Variants in MBOAT4 observed in about 807,000 individuals in gnomAD.
MBOAT4 encodes the protein membrane bound ghrelin O-acyltransferase MBOAT4.
In MBOAT4, 11 loss-of-function variants were observed where a neutral mutation model predicts 13.2. The observed-to-expected ratio is 0.84, with a 90% CI of 0.53 to 1.38. MBOAT4 has a LOEUF of 1.38. MBOAT4 is among the 40% of genes most tolerant of loss of function. The probability of loss-of-function intolerance (pLI) is 0.00; values close to 1 mark genes in which losing one functional copy is unlikely to be tolerated. For synonymous variants in MBOAT4, 202 were observed against 210.3 expected (o/e 0.96, Z 0.34); for missense variants, 481 against 527.2 (o/e 0.91, Z 0.86).
intron 2 of MBOAT4, among the ~76,000 whole-genome samples, chr8:30,137,089 C>T (rs753976776): frequency 1.4e-4 from 22 of 152,196 alleles, no homozygotes; most frequent in South Asian, 2.1e-4. Context: ...AGATAGGTGA[C>T]CGCCTGGAGC....
chr8:30,142,830 T>A (rs12334730), intron 1 of MBOAT4, among the ~76,000 whole-genome samples: 1 of 152,118 alleles, frequency 6.6e-6, no homozygotes, highest in African/African-American at 2.4e-5. Context: ...TTGTGAACAC[T>A]TGATCATACC....
chr8:30,144,333 G>A (rs150392644), intron 1 of MBOAT4, 150 bp downstream of exon 1: 24 of 536,744 alleles, frequency 4.5e-5, no homozygotes, highest in African/African-American at 2.8e-4. Flanking sequence ...ACAGGGTTTC[G>A]CTATGTTGGC....
chr8:30,136,312 CACAG>C (rs1446247591), intron 2 of MBOAT4, among the ~76,000 whole-genome samples: 2 of 152,202 alleles, frequency 1.3e-5, no homozygotes, highest in Non-Finnish European at 2.9e-5. Context: ...CAGACACATG[CACAG>C]ACAGAGGAGT....
chr8:30,133,704 C>A (rs868247567), intron 2 of MBOAT4, among the ~76,000 whole-genome samples: 2 of 150,752 alleles, frequency 1.3e-5, no homozygotes, highest in African/African-American at 4.9e-5. Context: ...TGGGTGGAAC[C>A]CTTGAGCCCA....
intron 2 of MBOAT4, chr8:30,137,155 G>C (rs1472980080): frequency 5.0e-6 from 4 of 805,940 alleles, no homozygotes; most frequent in Non-Finnish European, 8.0e-6. Context: ...ACCAGAGAGA[G>C]CCAGGAACAT....
At chr8:30,138,840 G>C in intron 1 of MBOAT4, 84 bp from the exon 2 acceptor site, 1 of 1,040,288 alleles carries the variant, frequency 9.6e-7, no homozygotes, top group Non-Finnish European at 1.4e-6. Flanking sequence ...CAGGGAACCC[G>C]ATCTGGTAGG....
At position 30,144,539 on chromosome 8, in the gene MBOAT4, G is replaced by A. The variant is rs1803317769; in HGVS notation, c.63C>T (p.Pro21=). ...AGAGATAATTGAAGAGAAGTGCAAAGGGAAATGCAGCCCCCTGGTAAAACG... is the reference window on the plus strand; with the variant it reads ...AGAGATAATTGAAGAGAAGTGCAAAAGGAAATGCAGCCCCCTGGTAAAACG... ...PISFYQGAAF[P]FALLFNYLCI... Residue 21 remains proline (P), a synonymous_variant, in exon 1 of 3, where the codon CCC becomes CCT. Transcript: ENST00000320542. 6.4e-7 allele frequency: 1 copy of A among 1,551,652 alleles called. No homozygotes were observed. Among genetic ancestry groups the A allele is most frequent in the African/African-American group, 1.4e-5 (1 of 73,178 alleles).
In MBOAT4 at chr8:30,132,685, C is replaced by A. The variant is rs61745343; in HGVS notation, c.566G>T (p.Arg189Leu). Residue 189 changes from arginine to leucine, a missense_variant, in exon 3 of 3, where the codon CGT becomes CTT. Transcript: ENST00000320542. Reference protein sequence around the residue: ...SLCSFQRFQARVQGSSALHPR... With the variant: ...SLCSFQRFQALVQGSSALHPR... Reference sequence around the variant, plus strand: ...ATGCAAAGCACTGGACCCTTGAACACGAGCCTGAAATCGCTGGAAGGAGCA... The same window carrying A: ...ATGCAAAGCACTGGACCCTTGAACAAGAGCCTGAAATCGCTGGAAGGAGCA... 6.4e-7 allele frequency: 1 copy of A among 1,551,722 alleles called. No homozygotes were observed. The highest frequency in any genetic ancestry group is 8.7e-7 in the Non-Finnish European group (1 of 1,147,002).
At chr8:30,135,947 G>T (rs1389228563) in intron 2 of MBOAT4, among the ~76,000 whole-genome samples, 4 of 148,872 alleles carry the variant, frequency 2.7e-5, no homozygotes, top group Admixed American at 6.7e-5. Context: ...AAATTACAAT[G>T]ACACACTCTA....
intron 1 of MBOAT4, among the ~76,000 whole-genome samples, chr8:30,141,473 A>G (rs1739726558): frequency 6.6e-6 from 1 of 151,922 alleles, no homozygotes; most frequent in African/African-American, 2.4e-5. Flanking sequence ...TGTCTCTACT[A>G]AAAATACAAA....
intron 1 of MBOAT4, among the ~76,000 whole-genome samples, chr8:30,141,231 G>A (rs1422016418): frequency 6.6e-6 from 1 of 152,188 alleles, no homozygotes; most frequent in Non-Finnish European, 1.5e-5. Flanking sequence ...CAGATCTGCA[G>A]AGGCCTGGGA....
At position 30,132,698 on chromosome 8, in the gene MBOAT4, G is replaced by A. The variant is rs141252348; in HGVS notation, c.553C>T (p.Arg185Ter). ...LLGGSLCSFQ[R>*]FQARVQGSSA... The stretch of plus-strand genomic sequence containing the variant: ...GACCCTTGAACACGAGCCTGAAATC[G>A]CTGGAAGGAGCACAGAGAGCCTCCC... The change falls in exon 3 of 3, where the codon CGA becomes TGA. Residue 185 changes from arginine to a stop codon, truncating the protein, a stop_gained. Coordinates refer to ENST00000320542, the MANE Select transcript of MBOAT4 (RefSeq NM_001100916.2). LOFTEE classifies it low-confidence loss of function (END_TRUNC). 2.4e-5 allele frequency: 37 copies of A among 1,551,618 alleles called. No homozygotes were observed. In the East Asian group the frequency reaches 2.4e-4, roughly 10 times the overall value.
intron 1 of MBOAT4, among the ~76,000 whole-genome samples, chr8:30,143,603 A>T (rs181592586): frequency 1.2e-3 from 188 of 152,258 alleles, no homozygotes; most frequent in Admixed American, 3.3e-3. Context: ...TTTGATATTT[A>T]AAAAATCATT....
intron 1 of MBOAT4, among the ~76,000 whole-genome samples, chr8:30,143,367 ATATATATATATAT>A (rs1803295162): frequency 6.5e-5 from 1 of 15,340 alleles, no homozygotes; most frequent in African/African-American, 1.1e-4. Flanking sequence ...AAAAAAAAAA[ATATATATATATAT>A]ATATATATAT....
chr8:30,137,120 A>G (rs1446449579), intron 2 of MBOAT4, among the ~76,000 whole-genome samples: 1 of 152,190 alleles, frequency 6.6e-6, no homozygotes, highest in Non-Finnish European at 1.5e-5. Context: ...CTGTGCTCCA[A>G]GTGACCCTGA....
intron 1 of MBOAT4, among the ~76,000 whole-genome samples, chr8:30,139,879 G>C (rs1025357813): frequency 2.0e-5 from 3 of 152,142 alleles, no homozygotes; most frequent in Non-Finnish European, 2.9e-5. Flanking sequence ...AGGATCACTT[G>C]AGCCCATGAG....
Position 30,131,730 on chromosome 8 carries a change from C to G in MBOAT4, c.*213G>C, listed in dbSNP as rs1305649225. ...AGACTGTAAACCTTAAGGGAAGAAA[C>G]CACATCTTTTTCCTTTTTGTATCCT... On this transcript the variant is annotated 3_prime_UTR_variant, in exon 3 of 3. Coordinates refer to ENST00000320542, the MANE Select transcript of MBOAT4 (RefSeq NM_001100916.2). 1.0e-5 allele frequency: 5 copies of G among 500,918 alleles called. No homozygotes were observed. Among genetic ancestry groups the G allele is most frequent in the Non-Finnish European group, 1.7e-5 (5 of 288,314 alleles). 31.0% of individuals were successfully genotyped at this position (500,918 alleles called of 1,614,324 possible).
chr8:30,141,238 G>A (rs903296941), intron 1 of MBOAT4, among the ~76,000 whole-genome samples: 2 of 152,166 alleles, frequency 1.3e-5, no homozygotes, highest in African/African-American at 4.8e-5. Context: ...GCAGAGGCCT[G>A]GGAAGCTTCA....
chr8:30,136,161 A>G (rs1279674812), intron 2 of MBOAT4, among the ~76,000 whole-genome samples: 1 of 152,148 alleles, frequency 6.6e-6, no homozygotes, highest in African/African-American at 2.4e-5. Flanking sequence ...TCCTGTGCTT[A>G]TGGTCTAACC....
Sources: gnomAD v4.1 joint callset for allele counts (sites outside exome capture counted in the v4.1 genomes callset) on GRCh38, gnomAD v4.1.1 for gene constraint, MANE v1.5 for transcripts, NCBI Gene and HGNC (gene_info 2026-07-23, HGNC 2026-07-21) for gene names.